The following ANO10 variants were observed in gnomAD, a reference collection of about 807,000 sequenced individuals.
The protein encoded by ANO10 is anoctamin-10.
ANO10 carries 77 observed loss-of-function variants against 74.7 expected under a neutral mutation model. The ratio of observed to expected loss-of-function variants is 1.03; its 90% CI spans 0.86 to 1.25. The LOEUF (loss-of-function observed/expected upper bound fraction) is 1.25, where lower values mean the gene tolerates loss of function less well. Ranked by LOEUF, ANO10 falls within the 50% of genes most tolerant of loss-of-function variation. The pLI is 0.00. For missense variants in ANO10, 721 were observed against 778.1 expected (o/e 0.93, Z 0.87); for synonymous variants, 279 against 284.9 (o/e 0.98, Z 0.21).
intron 4 of ANO10, among the ~76,000 whole-genome samples, chr3:43,581,221 T>C (rs2081249587): frequency 1.3e-5 from 2 of 152,226 alleles, no homozygotes; most frequent in Admixed American, 6.5e-5. Flanking sequence ...TTTTCATTCT[T>C]GTTGATACAG....
intron 12 of ANO10, among the ~76,000 whole-genome samples, chr3:43,406,549 C>T (rs902180412): frequency 1.4e-5 from 2 of 147,690 alleles, no homozygotes; most frequent in Non-Finnish European, 2.9e-5. Context: ...GCCTTCTGTA[C>T]GCATATGACT....
chr3:43,684,829 G>C (rs1384604860), intron 1 of ANO10, among the ~76,000 whole-genome samples: 1 of 152,074 alleles, frequency 6.6e-6, no homozygotes, highest in East Asian at 1.9e-4. Context: ...ACTATTGCAA[G>C]GACAAAAAAC....
chr3:43,584,264 G>T (rs932223452), intron 4 of ANO10, among the ~76,000 whole-genome samples: 1 of 152,236 alleles, frequency 6.6e-6, no homozygotes, highest in Non-Finnish European at 1.5e-5. Context: ...GAACATGGCT[G>T]TGCTTTGGTT....
At chr3:43,493,304 T>C (rs1054409111) in intron 11 of ANO10, among the ~76,000 whole-genome samples, 2 of 152,082 alleles carry the variant, frequency 1.3e-5, no homozygotes, top group African/African-American at 2.4e-5. Flanking sequence ...AGGGAAACCA[T>C]TAGGAGAAAC....
At chr3:43,465,524 G>A (rs1308941600) in intron 11 of ANO10, among the ~76,000 whole-genome samples, 1 of 152,134 alleles carries the variant, frequency 6.6e-6, no homozygotes, top group Non-Finnish European at 1.5e-5. Context: ...TATGGTGGCA[G>A]GCACCTGTAA....
intron 12 of ANO10, among the ~76,000 whole-genome samples, chr3:43,414,006 A>G (rs978139443): frequency 2.0e-5 from 3 of 152,124 alleles, no homozygotes; most frequent in African/African-American, 7.2e-5. Flanking sequence ...ACAGACCACA[A>G]GGACCGAGAC....
intron 11 of ANO10, among the ~76,000 whole-genome samples, chr3:43,466,959 T>C (rs187677315): frequency 1.3e-5 from 2 of 152,300 alleles, no homozygotes; most frequent in African/African-American, 2.4e-5. Context: ...AACAGAATGT[T>C]CACAAATAGT....
At chr3:43,637,063 G>A (rs1398818405) in intron 1 of ANO10, among the ~76,000 whole-genome samples, 1 of 152,252 alleles carries the variant, frequency 6.6e-6, no homozygotes, top group African/African-American at 2.4e-5. Context: ...CCCGCTAGCA[G>A]GAAGGCTGTG....
intron 12 of ANO10, among the ~76,000 whole-genome samples, chr3:43,375,111 ACT>A (rs986448291): frequency 2.0e-5 from 3 of 149,306 alleles, no homozygotes; most frequent in African/African-American, 7.4e-5. Context: ...ACAGAGTGAA[ACT>A]CTGTCTCAAA....
At chr3:43,542,981 T>C (rs1170069003) in intron 11 of ANO10, among the ~76,000 whole-genome samples, 1 of 152,162 alleles carries the variant, frequency 6.6e-6, no homozygotes, top group East Asian at 1.9e-4. Context: ...TTCTACTCTT[T>C]AGAACACTCA....
chr3:43,623,795 T>A (rs948918137), upstream of ANO10, among the ~76,000 whole-genome samples: 1 of 152,216 alleles, frequency 6.6e-6, no homozygotes, highest in South Asian at 2.1e-4. Flanking sequence ...TATTAACCAG[T>A]TTTTGTGCAG....
chr3:43,518,830 C>T (rs2077823173), intron 11 of ANO10, among the ~76,000 whole-genome samples: 2 of 152,118 alleles, frequency 1.3e-5, no homozygotes, highest in South Asian at 4.1e-4. Context: ...AAGATGCTAT[C>T]AATGATAATG....
At chr3:43,415,693 C>T (rs2092727641) in intron 12 of ANO10, among the ~76,000 whole-genome samples, 1 of 152,068 alleles carries the variant, frequency 6.6e-6, no homozygotes, top group African/African-American at 2.4e-5. Context: ...AGGTGCACAG[C>T]ACCACGTCTG....
intron 11 of ANO10, among the ~76,000 whole-genome samples, chr3:43,435,618 T>A (rs1284422319): frequency 1.3e-5 from 2 of 152,094 alleles, no homozygotes; most frequent in Non-Finnish European, 2.9e-5. Flanking sequence ...GAAGCCTTCA[T>A]CAACTACTTC....
chr3:43,527,368 T>A (rs955028819), intron 11 of ANO10, among the ~76,000 whole-genome samples: 1 of 152,120 alleles, frequency 6.6e-6, no homozygotes, highest in Non-Finnish European at 1.5e-5. Flanking sequence ...AAATAAAATA[T>A]GCTGCACACT....
At chr3:43,521,050 G>T (rs1309329390) in intron 11 of ANO10, among the ~76,000 whole-genome samples, 1 of 152,120 alleles carries the variant, frequency 6.6e-6, no homozygotes, top group Non-Finnish European at 1.5e-5. Context: ...GTTTTTAATG[G>T]ATTCCTTAGG....
At chr3:43,485,368 C>A (rs977192438) in intron 11 of ANO10, 6 of 457,942 alleles carry the variant, frequency 1.3e-5, no homozygotes, top group African/African-American at 1.0e-4. Flanking sequence ...CGCCCATTGC[C>A]GCTCCTGATC....
chr3:43,628,835 C>A (rs2083517484), intron 1 of ANO10, among the ~76,000 whole-genome samples: 1 of 152,186 alleles, frequency 6.6e-6, no homozygotes, highest in African/African-American at 2.4e-5. Flanking sequence ...TTTGGTCAGA[C>A]CGGTTGCTCT....
At chr3:43,528,784 C>A (rs1351470763) in intron 11 of ANO10, among the ~76,000 whole-genome samples, 1 of 151,756 alleles carries the variant, frequency 6.6e-6, no homozygotes, top group African/African-American at 2.4e-5. Flanking sequence ...CATGGCAAAA[C>A]CCCATCTCTA....
Sources: gnomAD v4.1 joint callset for allele counts (sites outside exome capture counted in the v4.1 genomes callset) on GRCh38, gnomAD v4.1.1 for gene constraint, MANE v1.5 for transcripts, NCBI Gene and HGNC (gene_info 2026-07-23, HGNC 2026-07-21) for gene names.